PSMA8: variants seen among roughly 807,000 people sequenced by gnomAD.
The protein encoded by PSMA8 is proteasome subunit alpha-type 8.
A neutral mutation model predicts 32.4 loss-of-function variants in PSMA8; 18 were observed. The ratio of observed to expected loss-of-function variants is 0.56; its 90% CI spans 0.38 to 0.82. PSMA8 has a LOEUF of 0.82. PSMA8 is among the 40% of genes least tolerant of loss of function. The pLI, the probability that PSMA8 is intolerant of heterozygous loss-of-function variation, is 0.00. For missense variants in PSMA8, 298 were observed against 300.7 expected (o/e 0.99, Z 0.07); for synonymous variants, 104 against 98.1 (o/e 1.06, Z -0.36).
At chr18:26,168,771 G>C (rs2055199727) in intron 4 of PSMA8, among the ~76,000 whole-genome samples, 1 of 115,634 alleles carries the variant, frequency 8.6e-6, no homozygotes, top group Non-Finnish European at 1.6e-5. Context: ...GATCCTATTT[G>C]CTGGATTCAT....
intron 4 of PSMA8, among the ~76,000 whole-genome samples, chr18:26,175,829 A>G (rs780600570): frequency 6.6e-6 from 1 of 152,154 alleles, no homozygotes; most frequent in Non-Finnish European, 1.5e-5. Context: ...GTCTTTTTCC[A>G]TGCTCTCAAG....
At position 26,192,682 on chromosome 18, in the gene PSMA8, G is replaced by T. The variant is rs1029453624; in HGVS notation, c.*271G>T. The stretch of plus-strand genomic sequence containing the variant: ...CCTGAGACTCTATAATTTGTCCAGT[G>T]TCTTACTTACCTTCATATATGCAAA... On this transcript the variant is annotated 3_prime_UTR_variant, in exon 7 of 7. Coordinates refer to ENST00000415576, the MANE Select transcript of PSMA8 (RefSeq NM_001025096.2). 9.9e-6 allele frequency: 2 copies of T among 202,754 alleles called. No homozygotes were observed. The highest frequency in any genetic ancestry group is 1.9e-5 in the Non-Finnish European group (2 of 103,352). 12.6% of individuals were successfully genotyped at this position (202,754 alleles called of 1,614,324 possible).
chr18:26,155,268 A>T (rs548784599), intron 3 of PSMA8, among the ~76,000 whole-genome samples: 48 of 152,224 alleles, frequency 3.2e-4, no homozygotes, highest in Admixed American at 4.6e-4. Context: ...GAAATAAAAT[A>T]AAAGAGTCTT....
intron 1 of PSMA8, among the ~76,000 whole-genome samples, chr18:26,136,175 G>A (rs2054910083): frequency 1.3e-5 from 2 of 152,202 alleles, no homozygotes; most frequent in Admixed American, 1.3e-4. Context: ...AGCATGAAAG[G>A]AGACAAGAGG....
At chr18:26,182,349 T>G (rs1471826578) in intron 6 of PSMA8, among the ~76,000 whole-genome samples, 1 of 152,226 alleles carries the variant, frequency 6.6e-6, no homozygotes, top group Non-Finnish European at 1.5e-5. Context: ...ATCACCTCAC[T>G]GCCTGGCTTC....
rs552367990 is a variant in PSMA8 at position 26,144,664 on chromosome 18, C to A, written c.208C>A (p.His70Asn). The change falls in exon 2 of 7, where the codon CAT (histidine) becomes AAT (asparagine). Residue 70 changes from histidine (H) to asparagine (N), a missense_variant. Physicochemically the swap from His to Asn is moderately conservative, Grantham distance 68. Coordinates refer to ENST00000415576, the MANE Select transcript of PSMA8 (RefSeq NM_001025096.2). Reference sequence around the variant, plus strand: ...GAGGAAAATTTGTGCCCTTGATGACCATGTCTGCATGGCTTTTGCAGGTAC... The same window carrying A: ...GAGGAAAATTTGTGCCCTTGATGACAATGTCTGCATGGCTTTTGCAGGTAC... ...TVRKICALDD[H>N]VCMAFAGLTA... 29 of 1,613,642 alleles carry A rather than the reference C, an allele frequency of 1.8e-5. No individual in the cohort carries two copies. The highest frequency in any genetic ancestry group is 1.6e-4 in the Middle Eastern group (1 of 6,082).
chr18:26,181,030 T>C (rs1598669911), intron 6 of PSMA8, among the ~76,000 whole-genome samples: 1 of 152,224 alleles, frequency 6.6e-6, no homozygotes, highest in African/African-American at 2.4e-5. Flanking sequence ...AGTATCCTTT[T>C]ATAGTAAGTG....
chr18:26,171,303 C>T (rs1474921089), intron 4 of PSMA8: 11 of 1,508,260 alleles, frequency 7.3e-6, no homozygotes, highest in Non-Finnish European at 9.6e-6. Context: ...AGCGGGAGGA[C>T]CTCCGAGCCC....
chr18:26,144,796 A>G, intron 2 of PSMA8, 111 bp downstream of exon 2: 1 of 1,003,684 alleles, frequency 1.0e-6, no homozygotes, highest in South Asian at 1.9e-5. Flanking sequence ...GAGTTGTTCT[A>G]CAAACAATAT....
intron 6 of PSMA8, among the ~76,000 whole-genome samples, chr18:26,182,243 G>A (rs773087524): frequency 3.9e-4 from 59 of 152,234 alleles, no homozygotes; most frequent in Non-Finnish European, 7.6e-4. Flanking sequence ...TTCAGTGAAG[G>A]TGGTTATACT....
intron 4 of PSMA8, among the ~76,000 whole-genome samples, chr18:26,163,254 T>TA (rs2055152996): frequency 2.1e-5 from 2 of 96,870 alleles, no homozygotes; most frequent in Admixed American, 1.2e-4. Context: ...TATATATATA[T>TA]ATATATATGC....
chr18:26,158,065 A>G (rs2055104567), intron 3 of PSMA8, 57 bp from the exon 4 acceptor site: 2 of 1,240,020 alleles, frequency 1.6e-6, no homozygotes. Flanking sequence ...CTTTATTATT[A>G]GAATTTTTAT....
intron 4 of PSMA8, among the ~76,000 whole-genome samples, chr18:26,163,211 GTGTATATATATATA>G (rs2055149264): frequency 1.1e-5 from 1 of 94,636 alleles, no homozygotes; most frequent in African/African-American, 6.4e-5. Flanking sequence ...TTATGTGTGT[GTGTATATATATATA>G]TATATATATA....
intron 6 of PSMA8, among the ~76,000 whole-genome samples, chr18:26,183,016 C>G (rs12963429): frequency 2.1e-5 from 3 of 140,386 alleles, no homozygotes; most frequent in African/African-American, 8.1e-5. Context: ...TGCTTGAACC[C>G]AGGAGTTGGA....
At chr18:26,191,213 A>G (rs1042709262) in intron 6 of PSMA8, among the ~76,000 whole-genome samples, 1 of 152,196 alleles carries the variant, frequency 6.6e-6, no homozygotes, top group Admixed American at 6.5e-5. Flanking sequence ...AATATCTTTG[A>G]AAATTTGCCT....
intron 6 of PSMA8, among the ~76,000 whole-genome samples, chr18:26,180,970 C>A (rs2055306242): frequency 6.6e-6 from 1 of 152,118 alleles, no homozygotes. Flanking sequence ...TCTAACGATA[C>A]CTTCATCAAA....
intron 4 of PSMA8, among the ~76,000 whole-genome samples, chr18:26,161,764 T>G (rs1476888378): frequency 2.6e-5 from 4 of 152,088 alleles, no homozygotes; most frequent in African/African-American, 9.7e-5. Flanking sequence ...CAAGGAAGTA[T>G]TCAGTTAAGT....
At chr18:26,176,212 A>T (rs1383927851) in intron 4 of PSMA8, among the ~76,000 whole-genome samples, 2 of 152,152 alleles carry the variant, frequency 1.3e-5, no homozygotes, top group African/African-American at 2.4e-5. Flanking sequence ...AAAGATTTTG[A>T]CATTAAGAAT....
At chr18:26,174,699 C>A (rs955057622) in intron 4 of PSMA8, among the ~76,000 whole-genome samples, 1 of 152,188 alleles carries the variant, frequency 6.6e-6, no homozygotes, top group Non-Finnish European at 1.5e-5. Context: ...AGAATGTTAA[C>A]TACGTCGTAT....
Sources: gnomAD v4.1 joint callset for allele counts (sites outside exome capture counted in the v4.1 genomes callset) on GRCh38, gnomAD v4.1.1 for gene constraint, MANE v1.5 for transcripts, NCBI Gene and HGNC (gene_info 2026-07-23, HGNC 2026-07-21) for gene names.